Variants in FGF13 observed in about 807,000 individuals in gnomAD.
The protein encoded by FGF13 is fibroblast growth factor 13, also known as fibroblast growth factor homologous factor 2.
Under a neutral mutation model 19.5 loss-of-function variants are expected in FGF13, and 2 were observed. The observed-to-expected ratio is 0.10, with a 90% CI of 0.04 to 0.32. FGF13 has a LOEUF of 0.32. Ranked by LOEUF, FGF13 falls within the 10% of genes least tolerant of loss-of-function variation. The probability of loss-of-function intolerance (pLI) is 1.00; values close to 1 mark genes in which losing one functional copy is unlikely to be tolerated. For missense variants in FGF13, 113 were observed against 192.7 expected, an observed-to-expected ratio of 0.59 and a Z score of 2.45; for synonymous variants, 72 against 76.9, an observed-to-expected ratio of 0.94 and a Z score of 0.33.
chrX:138,967,122 ACCCCCCAAAATTGCTCCCTG>A (rs2091898285), intron 1 of FGF13, among the ~76,000 whole-genome samples: 1 of 105,944 alleles, frequency 9.4e-6, no homozygotes, highest in Non-Finnish European at 1.9e-5. Context: ...GACTAATACA[ACCCCCCAAAATTGCTCCCTG>A]CCCCCCAAAA....
intron 1 of FGF13, among the ~76,000 whole-genome samples, chrX:139,083,278 T>C (rs985688752): frequency 1.8e-5 from 2 of 111,799 alleles, no homozygotes; most frequent in Non-Finnish European, 3.8e-5. Flanking sequence ...AACAAGCTAT[T>C]ATTACATCCA....
intron 3 of FGF13, among the ~76,000 whole-genome samples, chrX:138,810,730 A>C (rs2090915614): frequency 8.9e-6 from 1 of 112,159 alleles, no homozygotes; most frequent in Non-Finnish European, 1.9e-5. Flanking sequence ...TCTACAAAGA[A>C]CTTAAACAAG....
intron 2 of FGF13, 55 bp from the exon 3 acceptor site, chrX:138,703,142 T>C (rs1037567006): frequency 1.7e-5 from 16 of 942,206 alleles, no homozygotes; most frequent in Non-Finnish European, 2.5e-5. Flanking sequence ...TTCAGAACTT[T>C]TCAATGTTTC....
At chrX:138,833,256 AG>A (rs1257562616) in intron 3 of FGF13, among the ~76,000 whole-genome samples, 1 of 112,300 alleles carries the variant, frequency 8.9e-6, no homozygotes, top group Non-Finnish European at 1.9e-5. Flanking sequence ...TTGGGCAATA[AG>A]GCCATTTTAA....
At chrX:138,938,575 A>G (rs2091743299) in intron 1 of FGF13, among the ~76,000 whole-genome samples, 1 of 111,071 alleles carries the variant, frequency 9.0e-6, no homozygotes, top group Non-Finnish European at 1.9e-5. Flanking sequence ...ACTATGACTT[A>G]ACTGCTTATG....
intron 3 of FGF13, among the ~76,000 whole-genome samples, chrX:138,789,209 G>A (rs1221306311): frequency 3.6e-5 from 4 of 109,968 alleles, no homozygotes; most frequent in African/African-American, 1.3e-4. Flanking sequence ...TCCCTCTGTC[G>A]CCAGGCTGGA....
At chrX:139,201,167 A>G in intron 1 of FGF13, among the ~76,000 whole-genome samples, 1 of 112,156 alleles carries the variant, frequency 8.9e-6, no homozygotes, top group South Asian at 3.8e-4. Flanking sequence ...ACATTTTTGA[A>G]AAGGTTATGA....
intron 3 of FGF13, among the ~76,000 whole-genome samples, chrX:138,653,856 C>T (rs184408839): frequency 8.1e-4 from 91 of 112,128 alleles, no homozygotes; most frequent in African/African-American, 2.9e-3. Flanking sequence ...AATCAACTGT[C>T]TTGGCTTGCT....
At chrX:139,061,565 T>A (rs1050606258) in intron 1 of FGF13, among the ~76,000 whole-genome samples, 1 of 110,900 alleles carries the variant, frequency 9.0e-6, no homozygotes, top group African/African-American at 3.3e-5. Context: ...GCAGCCCACC[T>A]ACCTTGGACT....
intron 3 of FGF13, among the ~76,000 whole-genome samples, chrX:138,651,324 T>G (rs1238883253): frequency 1.8e-5 from 2 of 112,137 alleles, no homozygotes; most frequent in African/African-American, 6.5e-5. Flanking sequence ...AGCAAAGAGA[T>G]GGGTGTGTAA....
intron 1 of FGF13, among the ~76,000 whole-genome samples, chrX:139,187,063 G>T (rs2084288308): frequency 8.9e-6 from 1 of 112,817 alleles, no homozygotes; most frequent in Non-Finnish European, 1.9e-5. Context: ...CTGTAGCTTG[G>T]TCACATTTTT....
chrX:139,128,323 G>C (rs1306301932), intron 1 of FGF13, among the ~76,000 whole-genome samples: 2 of 111,399 alleles, frequency 1.8e-5, no homozygotes, highest in Non-Finnish European at 3.8e-5. Flanking sequence ...AATCTCTAAA[G>C]GCCTAGAATG....
rs142915909 is a variant in FGF13, at chrX:138,840,338, A to C, written c.217+17174T>G. ...AAACCTTTAGACTTTCAGTTGGATAAACAAACATCCCGCCATGGTACCTAA... is the reference window on the plus strand; with the variant it reads ...AAACCTTTAGACTTTCAGTTGGATACACAAACATCCCGCCATGGTACCTAA... On this transcript the variant is annotated intron_variant, in intron 3 of 6. Transcript: ENST00000436198. 4.1e-3 allele frequency among the ~76,000 whole-genome samples: 458 copies of C among 111,779 alleles called. 2 individuals carry two copies. Among genetic ancestry groups the C allele is most frequent in the African/African-American group, 0.014 (421 of 30,775 alleles).
Position 138,983,669 on chromosome X carries a change from ATT to A in FGF13, c.-112-119021_-112-119020del, listed in dbSNP as rs989480615. ...AACTACCATATGATCTAGCAATACCATTTTTGAGTATTTACACAAAAGAATTA... is the reference window on the plus strand; with the variant it reads ...AACTACCATATGATCTAGCAATACCATTTGAGTATTTACACAAAAGAATTA... On this transcript the variant is annotated intron_variant, in intron 1 of 2. Coordinates refer to the FGF13 transcript ENST00000421460. Among the ~76,000 whole-genome samples the A allele has an allele frequency of 9.1e-5, 10 of 110,282 alleles. No homozygotes were observed. In the Admixed American group the frequency reaches 9.7e-4, roughly 11 times the overall value.
At chrX:138,857,321 G>A (rs897961465), downstream of FGF13, among the ~76,000 whole-genome samples, 35 of 111,540 alleles carry the variant, frequency 3.1e-4, no homozygotes, top group Non-Finnish European at 1.3e-4. Context: ...CGCTGTGCCA[G>A]AGATGACCAT....
chrX:138,822,946 T>C lies in FGF13; in HGVS notation c.217+34566A>G, dbSNP rs181215294. On this transcript the variant is annotated intron_variant, in intron 3 of 6. Coordinates refer to the FGF13 transcript ENST00000436198. ...AACATACAGTGTGGTACAGTACATA[T>C]AGAGACTGTGGGATAACCAACACTG... Among the ~76,000 whole-genome samples, 334 of 111,794 alleles carry C rather than the reference T, an allele frequency of 3.0e-3. 1 individual carries two copies. Among genetic ancestry groups the C allele is most frequent in the Middle Eastern group, 4.6e-3 (1 of 217 alleles).
At chrX:138,704,600 A>G (rs1246826398) in intron 2 of FGF13, among the ~76,000 whole-genome samples, 1 of 112,055 alleles carries the variant, frequency 8.9e-6, no homozygotes, top group Non-Finnish European at 1.9e-5. Flanking sequence ...GTGGGGTAAT[A>G]TGGATGAGAA....
chrX:138,747,747 AC>A (rs2090366217), intron 3 of FGF13, among the ~76,000 whole-genome samples: 1 of 111,212 alleles, frequency 9.0e-6, no homozygotes, highest in Admixed American at 9.5e-5. Flanking sequence ...TGTATTCTCA[AC>A]CCATCTATCA....
intron 3 of FGF13, among the ~76,000 whole-genome samples, chrX:138,788,302 G>A (rs1377716398): frequency 8.9e-6 from 1 of 112,159 alleles, no homozygotes; most frequent in Non-Finnish European, 1.9e-5. Context: ...CTTAAGGCTT[G>A]AGAATAATCC....
Sources: gnomAD v4.1 joint callset for allele counts (sites outside exome capture counted in the v4.1 genomes callset) on GRCh38, gnomAD v4.1.1 for gene constraint, MANE v1.5 for transcripts, NCBI Gene and HGNC (gene_info 2026-07-23, HGNC 2026-07-21) for gene names.